Variants in ARK2N observed in about 807,000 individuals in gnomAD.
The protein encoded by ARK2N is protein ARK2N.
the ARK2N span, among the ~76,000 whole-genome samples, chr18:46,205,777 A>G: frequency 6.6e-6 from 1 of 152,180 alleles, no homozygotes; most frequent in Admixed American, 6.5e-5. Context: ...GCATTATTTA[A>G]TTCAGTGGCA....
At chr18:46,232,526 C>T in the ARK2N span, 1 of 152,100 alleles carries the variant, frequency 6.6e-6, no homozygotes, top group Non-Finnish European at 1.5e-5. Context: ...AGATAAAAAA[C>T]ATGTCATTTT....
At chr18:46,265,174 T>C in the ARK2N span, 1 of 152,700 alleles carries the variant, frequency 6.5e-6, no homozygotes, top group Admixed American at 6.5e-5. Context: ...AAATGTACAA[T>C]TTCTGGTCTG....
chr18:46,173,843 A>C, the ARK2N span: 1 of 152,134 alleles, frequency 6.6e-6, no homozygotes, highest in Admixed American at 6.5e-5. Flanking sequence ...CAACAGAAGG[A>C]GGGAGCGCGG....
the ARK2N span, chr18:46,262,996 T>C: frequency 6.2e-7 from 1 of 1,614,082 alleles, no homozygotes; most frequent in Admixed American, 1.7e-5. Context: ...GGGCACGCAG[T>C]ATGTTAGCAC....
the ARK2N span, among the ~76,000 whole-genome samples, chr18:46,181,535 A>G: frequency 6.6e-6 from 1 of 152,022 alleles, no homozygotes; most frequent in East Asian, 1.9e-4. Context: ...TAACGTGGTG[A>G]AACCCCGTCT....
the ARK2N span, chr18:46,218,179 T>A: frequency 2.0e-5 from 3 of 152,212 alleles, no homozygotes; most frequent in African/African-American, 7.2e-5. Context: ...CATAGGCACT[T>A]TCCCTGTTTT....
chr18:46,235,592 G>A, the ARK2N span, among the ~76,000 whole-genome samples: 9 of 152,352 alleles, frequency 5.9e-5, no homozygotes, highest in African/African-American at 2.2e-4. Flanking sequence ...AGCTAAGAGA[G>A]AGTAGGCAAG....
chr18:46,182,185 CTG>C, the ARK2N span, among the ~76,000 whole-genome samples: 3 of 152,160 alleles, frequency 2.0e-5, no homozygotes, highest in African/African-American at 7.2e-5. Flanking sequence ...AAGCAGTATC[CTG>C]TCTGCCTTAG....
At chr18:46,259,814 T>TGTGTGTGTGTGTGTG in the ARK2N span, among the ~76,000 whole-genome samples, 1 of 22,774 alleles carries the variant, frequency 4.4e-5, no homozygotes, top group African/African-American at 1.2e-4. Context: ...GTGTGTGTGT[T>TGTGTGTGTGTGTGTG]TGACAGAGAT....
chr18:46,189,786 C>T, the ARK2N span, among the ~76,000 whole-genome samples: 1 of 152,142 alleles, frequency 6.6e-6, no homozygotes, highest in African/African-American at 2.4e-5. Flanking sequence ...ATCGCTTGAG[C>T]CTGAGGGTTT....
the ARK2N span, chr18:46,217,602 C>CA: frequency 1.3e-5 from 2 of 152,132 alleles, no homozygotes; most frequent in African/African-American, 2.4e-5. Flanking sequence ...ATACAAAGAA[C>CA]ATTTCAAGAG....
At chr18:46,183,464 A>G in the ARK2N span, among the ~76,000 whole-genome samples, 1 of 152,156 alleles carries the variant, frequency 6.6e-6, no homozygotes, top group African/African-American at 2.4e-5. Context: ...GTAGGTGCAT[A>G]ATATTTGGTT....
chr18:46,209,099 G>A, the ARK2N span, among the ~76,000 whole-genome samples: 6,572 of 152,164 alleles, frequency 0.043, 368 homozygotes, highest in East Asian at 0.12. Context: ...TGTGTGGTCC[G>A]AGATGAAAAC....
At chr18:46,252,316 C>T in the ARK2N span, among the ~76,000 whole-genome samples, 1 of 151,760 alleles carries the variant, frequency 6.6e-6, no homozygotes, top group African/African-American at 2.4e-5. Context: ...CCTCTGTCGC[C>T]TGGCTCCTGG....
At chr18:46,240,118 G>T in the ARK2N span, 2 of 1,614,214 alleles carry the variant, frequency 1.2e-6, no homozygotes, top group South Asian at 2.2e-5. Flanking sequence ...CAGTAATTCT[G>T]TAGGCGGCCA....
At chr18:46,240,953 A>AT in the ARK2N span, among the ~76,000 whole-genome samples, 12 of 152,192 alleles carry the variant, frequency 7.9e-5, no homozygotes, top group African/African-American at 2.7e-4. Context: ...AGAGAAGGGG[A>AT]TTGAGAGACT....
chr18:46,204,262 A>T, the ARK2N span, among the ~76,000 whole-genome samples: 1 of 152,276 alleles, frequency 6.6e-6, no homozygotes, highest in South Asian at 2.1e-4. Context: ...CTATCACTTG[A>T]TATTGAAGCT....
the ARK2N span, chr18:46,240,330 G>A: frequency 5.8e-6 from 5 of 867,656 alleles, no homozygotes; most frequent in Admixed American, 2.9e-5. Flanking sequence ...TATCCAGGCT[G>A]CCATTTATAC....
At chr18:46,200,341 T>C in the ARK2N span, among the ~76,000 whole-genome samples, 1 of 152,160 alleles carries the variant, frequency 6.6e-6, no homozygotes. Flanking sequence ...AGAGTCTTGC[T>C]CTGTCACCCA....
Sources: allele counts gnomAD v4.1 joint callset (sites outside exome capture counted in the v4.1 genomes callset), GRCh38; gene constraint gnomAD v4.1.1; transcripts MANE v1.5; gene names NCBI Gene and HGNC (gene_info 2026-07-23, HGNC 2026-07-21).